LAMA2: variants seen among roughly 807,000 people sequenced by gnomAD.
LAMA2 encodes the protein laminin subunit alpha 2.
In LAMA2, 269 loss-of-function variants were observed where a neutral mutation model predicts 364.8. That is an observed-to-expected ratio of 0.74 (90% CI 0.67 to 0.82). The LOEUF (loss-of-function observed/expected upper bound fraction) is 0.82. Among genes scored for constraint, LAMA2 ranks in the 40% least tolerant of loss-of-function variants. The pLI, the probability that LAMA2 is intolerant of heterozygous loss-of-function variation, is 0.00. For synonymous variants in LAMA2, 1,379 were observed against 1,370.6 expected, an observed-to-expected ratio of 1.01 and a Z score of -0.14; for missense variants, 3,807 against 3,873.2, an observed-to-expected ratio of 0.98 and a Z score of 0.45.
rs1294339675 is a variant in LAMA2, at chr6:129,157,576, T to G, written c.1206+2893T>G. The stretch of plus-strand genomic sequence containing the variant: ...ATCTTGGCAAGCGTCTTCTTAATTC[T>G]CAACGCTGTGAGTCTGGGGGCTGGA... On this transcript the variant is annotated intron_variant, in intron 8 of 64. Transcript: ENST00000421865. 3.1e-6 allele frequency: 5 copies of G among 1,612,892 alleles called. No individual in the cohort carries two copies. The South Asian group carries it at 5.5e-5, about 18-fold the overall frequency.
chr6:129,012,108 C>G (rs1784802650), intron 1 of LAMA2, among the ~76,000 whole-genome samples: 2 of 152,166 alleles, frequency 1.3e-5, no homozygotes, highest in Non-Finnish European at 2.9e-5. Flanking sequence ...TGTACCTTGT[C>G]TTTCTGCAAA....
At chr6:129,273,721 A>G (rs994160054) in intron 17 of LAMA2, among the ~76,000 whole-genome samples, 1 of 152,124 alleles carries the variant, frequency 6.6e-6, no homozygotes, top group African/African-American at 2.4e-5. Context: ...TTGGGTTTCC[A>G]GTGTCCAATA....
chr6:129,073,741 G>T (rs1271727404), intron 3 of LAMA2, among the ~76,000 whole-genome samples: 1 of 151,830 alleles, frequency 6.6e-6, no homozygotes, highest in Non-Finnish European at 1.5e-5. Context: ...AAAAAAATTA[G>T]ACTCCAAATA....
intron 22 of LAMA2, among the ~76,000 whole-genome samples, chr6:129,308,880 AAAC>A (rs953684507): frequency 4.0e-4 from 61 of 152,332 alleles, no homozygotes; most frequent in African/African-American, 1.4e-3. Context: ...CCATGCATTT[AAAC>A]AACCAGATCT....
rs1277689964 is a variant in LAMA2, at chr6:129,391,613, A to G, written c.5194A>G (p.Asn1732Asp). ...GATGATTAAAGAACTGAGGAGGAAA[A>G]ATCTAGAGACACAAAAGGAAATTGC... ...DQMIKELRRK[N>D]LETQKEIAED... Residue 1732 changes from asparagine (N) to aspartate (D), a missense_variant, in exon 36 of 65, where the codon AAT (asparagine) becomes GAT (aspartate). By Grantham distance (23) the Asn-to-Asp change is conservative. Coordinates refer to ENST00000421865, the MANE Select transcript of LAMA2 (RefSeq NM_000426.4). 6 of 1,613,858 alleles carry G rather than the reference A, an allele frequency of 3.7e-6. No homozygotes were observed. The highest frequency in any genetic ancestry group is 5.1e-6 in the Non-Finnish European group (6 of 1,179,880).
chr6:129,308,134 A>G (rs1043953182), intron 22 of LAMA2, among the ~76,000 whole-genome samples: 2 of 152,232 alleles, frequency 1.3e-5, no homozygotes, highest in South Asian at 2.1e-4. Context: ...AAAAATAAAA[A>G]CTGGACAGGA....
At chr6:129,082,184 C>T (rs545862543) in intron 3 of LAMA2, among the ~76,000 whole-genome samples, 2 of 152,066 alleles carry the variant, frequency 1.3e-5, no homozygotes. Flanking sequence ...TTTCCAGTAC[C>T]TAAGTGGATA....
Position 128,929,938 on chromosome 6 carries a change from C to T in LAMA2, c.112+46581C>T, listed in dbSNP as rs549266013. ...CAGCAAGCAGGAGCGCGGCCCACAG[C>T]CCCACCTGGACCCACCACTCCCTCA... On this transcript the variant is annotated intron_variant, in intron 1 of 64. Coordinates refer to ENST00000421865, the MANE Select transcript of LAMA2 (RefSeq NM_000426.4). 844 of 766,202 alleles carry T rather than the reference C, an allele frequency of 1.1e-3. 5 individuals are homozygous for T. The African/African-American group carries it at 0.013, about 11-fold the overall frequency. 47.5% of individuals were successfully genotyped at this position (766,202 alleles called of 1,614,324 possible).
rs398123389 is a variant in LAMA2 at position 129,505,205 on chromosome 6, GATA to G, written c.8556_8558del (p.Ile2852del). 1 of 1,613,640 alleles carries G rather than the reference GATA, an allele frequency of 6.2e-7. No individual in the cohort carries two copies. The highest frequency in any genetic ancestry group is 2.2e-5 in the East Asian group (1 of 44,830). ...GACTCCTTTCTTTTTTGTAGATTAA[GATA>G]ATGAGAAGTAAGCAAGAAGGAATTC... On this transcript the variant is annotated inframe_deletion, in exon 61 of 65. Transcript: ENST00000421865.
chr6:129,102,222 G>T (rs1481020118), intron 4 of LAMA2, among the ~76,000 whole-genome samples: 1 of 150,028 alleles, frequency 6.7e-6, no homozygotes, highest in Non-Finnish European at 1.5e-5. Flanking sequence ...TCCGCCTCCC[G>T]GGTTCCCGGG....
chr6:128,944,054 A>G (rs185364140), intron 1 of LAMA2, among the ~76,000 whole-genome samples: 99 of 152,302 alleles, frequency 6.5e-4, no homozygotes, highest in African/African-American at 2.3e-3. Context: ...TGTAGGAACT[A>G]ATGTGTATAA....
intron 1 of LAMA2, among the ~76,000 whole-genome samples, chr6:129,023,758 C>A (rs1785607150): frequency 6.6e-6 from 1 of 152,190 alleles, no homozygotes; most frequent in African/African-American, 2.4e-5. Context: ...GTCTTGCCAT[C>A]CCAACTTAGT....
intron 1 of LAMA2, among the ~76,000 whole-genome samples, chr6:129,029,572 A>T (rs1786082786): frequency 7.0e-6 from 1 of 141,990 alleles, no homozygotes; most frequent in Admixed American, 6.8e-5. Context: ...GAGAAATGCT[A>T]AAAAAAATTA....
Position 129,314,736 on chromosome 6 carries a change from A to G in LAMA2, c.3493A>G (p.Ser1165Gly), listed in dbSNP as rs1774468910. 1 of 1,613,900 alleles carries G rather than the reference A, an allele frequency of 6.2e-7. No homozygotes were observed. ...TGCCAAGAATCCACTTGGCTGCAGC[A>G]GCTGCTATTGCTTCGGCACTACTAC... ...LDAKNPLGCS[S>G]CYCFGTTTQC... Residue 1165 changes from serine to glycine, a missense_variant, in exon 24 of 65, where the codon AGC (serine) becomes GGC (glycine). Around this residue, in one of 3 missense-constraint regions of LAMA2, gnomAD observed 3,333 missense variants for 3,345.7 expected, o/e 1.00. Transcript: ENST00000421865.
rs376529091 is a variant in LAMA2 at position 129,312,917 on chromosome 6, C to A, written c.3231C>A (p.Gly1077=). 6.8e-6 allele frequency: 11 copies of A among 1,614,028 alleles called. No individual in the cohort carries two copies. The highest frequency in any genetic ancestry group is 9.3e-6 in the Non-Finnish European group (11 of 1,180,016). The change falls in exon 23 of 65, where the codon GGC becomes GGA. Residue 1077 remains glycine (G), a synonymous_variant. Transcript: ENST00000421865. The stretch of plus-strand genomic sequence containing the variant: ...ATTTCCAATGCAATGTAAATACAGG[C>A]CAATGCAACTGTCATCCAAAATTCT... The part of the protein sequence containing the change: ...SLDFQCNVNT[G]QCNCHPKFSG...
At chr6:128,903,672 T>C (rs1777228167) in intron 1 of LAMA2, among the ~76,000 whole-genome samples, 1 of 152,248 alleles carries the variant, frequency 6.6e-6, no homozygotes, top group South Asian at 2.1e-4. Context: ...TCTGCTTTAT[T>C]ATTCCCTTGT....
At chr6:129,257,886 A>G (rs1468381328) in intron 14 of LAMA2, among the ~76,000 whole-genome samples, 1 of 152,108 alleles carries the variant, frequency 6.6e-6, no homozygotes, top group Non-Finnish European at 1.5e-5. Context: ...TGTGGCTAGT[A>G]GTCTTTATTG....
intron 1 of LAMA2, among the ~76,000 whole-genome samples, chr6:128,891,684 T>A (rs537679779): frequency 2.6e-4 from 40 of 152,214 alleles, no homozygotes; most frequent in African/African-American, 8.9e-4. Context: ...CAACATCATG[T>A]GGTATACCAA....
intron 1 of LAMA2, among the ~76,000 whole-genome samples, chr6:128,953,134 A>T (rs1324557831): frequency 6.6e-6 from 1 of 152,132 alleles, no homozygotes; most frequent in Non-Finnish European, 1.5e-5. Flanking sequence ...CATTTCCATA[A>T]ATATCAGAGA....
Sources: allele counts gnomAD v4.1 joint callset (sites outside exome capture counted in the v4.1 genomes callset), GRCh38; gene constraint gnomAD v4.1.1; regional missense constraint gnomAD v4.1.1; transcripts MANE v1.5; gene names NCBI Gene and HGNC (gene_info 2026-07-23, HGNC 2026-07-21).